Variants in ABTB2 observed in about 807,000 individuals in gnomAD.
The protein encoded by ABTB2 is ankyrin repeat and BTB domain containing 2.
A neutral mutation model predicts 104.1 loss-of-function variants in ABTB2; 56 were observed. The observed-to-expected ratio is 0.54, with a 90% confidence interval of 0.43 to 0.67. ABTB2 has a LOEUF of 0.67. Among genes scored for constraint, ABTB2 ranks in the 30% least tolerant of loss-of-function variants. The probability of loss-of-function intolerance (pLI) is 0.00; values close to 1 mark genes in which losing one functional copy is unlikely to be tolerated. For synonymous variants in ABTB2, 606 were observed against 608.2 expected, an observed-to-expected ratio of 1.00 and a Z score of 0.05; for missense variants, 1,279 against 1,407.7, an observed-to-expected ratio of 0.91 and a Z score of 1.46.
rs576951148 is a variant in ABTB2, at chr11:34,298,428, A to G, written c.883+58273T>C. ...ATCTTGTTTCTTTTTTTTTTTTTAA[A>G]CCAATTACTTTTTTTCTTTTAAATT... is the stretch of plus-strand genomic sequence containing the variant. On this transcript the variant is annotated intron_variant, in intron 1 of 16. Transcript: ENST00000435224. Among the ~76,000 whole-genome samples, 93 of 150,884 alleles carry G rather than the reference A, an allele frequency of 6.2e-4. 2 individuals are homozygous for G. The South Asian group carries it at 0.019, about 31-fold the overall frequency.
At chr11:34,251,075 T>C (rs1489562106) in intron 1 of ABTB2, among the ~76,000 whole-genome samples, 1 of 152,172 alleles carries the variant, frequency 6.6e-6, no homozygotes, top group Admixed American at 6.5e-5. Flanking sequence ...TAGAAGCTGG[T>C]GGGCTAAGAG....
intron 1 of ABTB2, among the ~76,000 whole-genome samples, chr11:34,298,087 T>G (rs1460399693): frequency 9.1e-6 from 1 of 110,118 alleles, no homozygotes. Context: ...AAATGTCTGT[T>G]TTTTTTTTTT....
At chr11:34,233,259 C>A (rs1853796920) in intron 1 of ABTB2, among the ~76,000 whole-genome samples, 1 of 151,742 alleles carries the variant, frequency 6.6e-6, no homozygotes, top group South Asian at 2.1e-4. Context: ...AAAAAACAAC[C>A]CTTTCTTTTT....
chr11:34,191,333 G>A (rs1045374377), intron 3 of ABTB2, among the ~76,000 whole-genome samples: 1 of 152,230 alleles, frequency 6.6e-6, no homozygotes. Flanking sequence ...GCACTGACAC[G>A]TTCGCTGGCT....
chr11:34,167,357 G>A lies in ABTB2; in HGVS notation c.1657C>T (p.Pro553Ser). The A allele has an allele frequency of 2.5e-6, 4 of 1,612,472 alleles. No individual in the cohort carries two copies. The highest frequency in any genetic ancestry group is 3.4e-6 in the Non-Finnish European group (4 of 1,179,230). The change falls in exon 7 of 17, where the codon CCA becomes TCA. Residue 553 changes from proline to serine, a missense_variant. Transcript: ENST00000435224. ...DAGANLDIQV[P>S]SNSPRHPSIH... ...GAAGGGTGCCTGGGGGAGTTGCTTGGAACCTGGAAAATACCACAAATCATC... is the reference window on the plus strand; with the variant it reads ...GAAGGGTGCCTGGGGGAGTTGCTTGAAACCTGGAAAATACCACAAATCATC...
intron 1 of ABTB2, among the ~76,000 whole-genome samples, chr11:34,340,469 A>C (rs773081904): frequency 3.3e-5 from 5 of 152,208 alleles, no homozygotes; most frequent in Non-Finnish European, 4.4e-5. Context: ...ATAATTAGCT[A>C]TATGATCTAG....
At chr11:34,291,669 T>G (rs2755150) in intron 1 of ABTB2, among the ~76,000 whole-genome samples, 92,369 of 151,784 alleles carry the variant, frequency 0.61, 28,124 homozygotes, top group Middle Eastern at 0.7. Context: ...CTAATTTTTG[T>G]AGTTTTAGTA....
intron 1 of ABTB2, among the ~76,000 whole-genome samples, chr11:34,289,329 G>T (rs145364243): frequency 2.6e-5 from 4 of 152,162 alleles, no homozygotes; most frequent in African/African-American, 7.2e-5. Flanking sequence ...TCAGGAGTTC[G>T]CCATGGCACA....
intron 3 of ABTB2, among the ~76,000 whole-genome samples, chr11:34,181,289 A>C (rs548148308): frequency 1.4e-4 from 21 of 152,262 alleles, no homozygotes; most frequent in Admixed American, 4.6e-4. Flanking sequence ...TGCACTCAGA[A>C]AGCATATGAT....
intron 3 of ABTB2, among the ~76,000 whole-genome samples, chr11:34,180,647 C>T (rs906043227): frequency 3.9e-5 from 6 of 152,196 alleles, no homozygotes; most frequent in Admixed American, 6.5e-5. Flanking sequence ...TGACCACCTC[C>T]TCTCATTGCT....
intron 1 of ABTB2, among the ~76,000 whole-genome samples, chr11:34,344,349 G>GT (rs1855303190): frequency 6.6e-6 from 1 of 152,168 alleles, no homozygotes; most frequent in African/African-American, 2.4e-5. Context: ...GCCAAAGATC[G>GT]TAAGACTGAA....
At chr11:34,316,784 G>A (rs1854936205) in intron 1 of ABTB2, among the ~76,000 whole-genome samples, 1 of 152,200 alleles carries the variant, frequency 6.6e-6, no homozygotes, top group Non-Finnish European at 1.5e-5. Flanking sequence ...GCTTGGCTGA[G>A]CCTGTCCTAA....
intron 1 of ABTB2, among the ~76,000 whole-genome samples, chr11:34,206,689 G>A (rs1298455754): frequency 6.6e-6 from 1 of 152,186 alleles, no homozygotes; most frequent in African/African-American, 2.4e-5. Flanking sequence ...AACCCCATGT[G>A]TTTTTCTTTG....
At chr11:34,304,240 C>T (rs1854745579) in intron 1 of ABTB2, among the ~76,000 whole-genome samples, 1 of 152,184 alleles carries the variant, frequency 6.6e-6, no homozygotes, top group African/African-American at 2.4e-5. Context: ...CCAACATATG[C>T]TCTGTGGATA....
intron 1 of ABTB2, among the ~76,000 whole-genome samples, chr11:34,259,156 C>G (rs143055464): frequency 3.9e-5 from 6 of 152,308 alleles, no homozygotes; most frequent in African/African-American, 1.2e-4. Context: ...GCATTTTGGT[C>G]TAATAGCCCA....
intron 1 of ABTB2, among the ~76,000 whole-genome samples, chr11:34,354,299 AGG>A (rs368850296): frequency 6.6e-6 from 1 of 151,984 alleles, no homozygotes; most frequent in African/African-American, 2.4e-5. Context: ...TTGTTTGGAA[AGG>A]GGGGGCAAGG....
chr11:34,238,185 C>A (rs1013286734), intron 1 of ABTB2, among the ~76,000 whole-genome samples: 1 of 152,308 alleles, frequency 6.6e-6, no homozygotes, highest in Admixed American at 6.5e-5. Flanking sequence ...ACATGCTAGC[C>A]ACAGGGCCTT....
intron 1 of ABTB2, among the ~76,000 whole-genome samples, chr11:34,236,550 C>T (rs1178823686): frequency 1.3e-5 from 2 of 152,176 alleles, no homozygotes; most frequent in Non-Finnish European, 1.5e-5. Context: ...AGCTTGAAGC[C>T]AGAGGACCCC....
At chr11:34,351,763 A>G (rs555567480) in intron 1 of ABTB2, among the ~76,000 whole-genome samples, 16 of 152,242 alleles carry the variant, frequency 1.1e-4, no homozygotes, top group African/African-American at 3.4e-4. Flanking sequence ...AGAGACACAC[A>G]CAAGCAGGAA....
Sources: gnomAD v4.1 joint callset for allele counts (sites outside exome capture counted in the v4.1 genomes callset) on GRCh38, gnomAD v4.1.1 for gene constraint, MANE v1.5 for transcripts, NCBI Gene and HGNC (gene_info 2026-07-23, HGNC 2026-07-21) for gene names.